Variants in CCDC12 observed in about 807,000 individuals in gnomAD.
CCDC12 encodes coiled-coil domain containing 12.
Under a neutral mutation model 25.7 loss-of-function variants are expected in CCDC12, and 28 were observed. That is an observed-to-expected ratio of 1.09 (90% CI 0.81 to 1.50). CCDC12 has a LOEUF of 1.50. CCDC12 is among the 40% of genes most tolerant of loss of function. CCDC12 has a pLI of 0.00. For synonymous variants in CCDC12, 75 were observed against 87.7 expected, an observed-to-expected ratio of 0.86 and a Z score of 0.81; for missense variants, 198 against 210.0, an observed-to-expected ratio of 0.94 and a Z score of 0.35.
intron 1 of CCDC12, chr3:46,976,430 C>A: frequency 7.0e-7 from 1 of 1,418,922 alleles, no homozygotes; most frequent in Non-Finnish European, 9.2e-7. Context: ...CGCGCATGCG[C>A]GACGACCGCA....
intron 2 of CCDC12, among the ~76,000 whole-genome samples, chr3:46,927,133 C>T (rs988612808): frequency 1.3e-5 from 2 of 152,148 alleles, no homozygotes; most frequent in Admixed American, 6.5e-5. Flanking sequence ...TGAACCACTG[C>T]GGGCGATGGG....
At chr3:46,974,435 C>T (rs1420271776) in intron 1 of CCDC12, among the ~76,000 whole-genome samples, 2 of 152,152 alleles carry the variant, frequency 1.3e-5, no homozygotes, top group African/African-American at 4.8e-5. Flanking sequence ...TCTGTGGATG[C>T]TATTTTGTCC....
rs769398551 is a variant in CCDC12, at chr3:46,922,053, T to C, written c.*4A>G. ...GATGGGCGAGTGGTGGGGCAGGGCA[T>C]GCCTCAGTCGGAGTCACAGGTCTTT... On this transcript the variant is annotated 3_prime_UTR_variant, in exon 7 of 7. Coordinates refer to ENST00000683445, the MANE Select transcript of CCDC12 (RefSeq NM_001277074.2). The C allele has an allele frequency of 6.2e-7, 1 of 1,613,768 alleles. No homozygotes were observed. Among genetic ancestry groups the C allele is most frequent in the South Asian group, 1.1e-5 (1 of 91,064 alleles).
At chr3:46,936,645 T>G (rs2033453077) in intron 2 of CCDC12, among the ~76,000 whole-genome samples, 1 of 152,202 alleles carries the variant, frequency 6.6e-6, no homozygotes, top group Non-Finnish European at 1.5e-5. Context: ...TCTGTCTATG[T>G]CCTTTCATTT....
intron 2 of CCDC12, among the ~76,000 whole-genome samples, chr3:46,928,352 C>T (rs2033062402): frequency 6.6e-6 from 1 of 152,154 alleles, no homozygotes; most frequent in Admixed American, 6.5e-5. Context: ...ACAAAGTGAG[C>T]CTGACATCAC....
Position 46,962,142 on chromosome 3 carries a change from T to C in CCDC12, c.96+14495A>G, listed in dbSNP as rs548221435. ...TTAAGAACTACTATTCGCCAAAGAA[T>C]TCAATTTTGGGCCAGGTGAGGCGGC... On this transcript the variant is annotated intron_variant, in intron 1 of 6. Transcript: ENST00000683445. 4.6e-5 allele frequency among the ~76,000 whole-genome samples: 7 copies of C among 152,178 alleles called. No homozygotes were observed. The South Asian group carries it at 1.5e-3, about 32-fold the overall frequency.
chr3:46,938,835 G>A (rs1362156580), intron 2 of CCDC12, among the ~76,000 whole-genome samples: 1 of 151,614 alleles, frequency 6.6e-6, no homozygotes, highest in Non-Finnish European at 1.5e-5. Context: ...CTGGGTGACA[G>A]AGCGAGACCC....
intron 2 of CCDC12, among the ~76,000 whole-genome samples, chr3:46,931,512 C>T (rs1476607044): frequency 1.3e-5 from 2 of 152,250 alleles, no homozygotes; most frequent in African/African-American, 2.4e-5. Flanking sequence ...GTCCACTTCA[C>T]TCACTCATGC....
Position 46,970,510 on chromosome 3 carries a change from T to C in CCDC12, c.96+6127A>G, listed in dbSNP as rs1247871959. ...AGTGCAGATTAAAGAACACTATCAC[T>C]GCACAAAGTTCTAGTGAGCAACACT... On this transcript the variant is annotated intron_variant, in intron 1 of 6. Coordinates refer to ENST00000683445, the MANE Select transcript of CCDC12 (RefSeq NM_001277074.2). Among the ~76,000 whole-genome samples, 7 of 152,334 alleles carry C rather than the reference T, an allele frequency of 4.6e-5. No homozygotes were observed. In the East Asian group the frequency reaches 1.4e-3, roughly 29 times the overall value.
At chr3:46,968,286 T>C (rs1416823245) in intron 1 of CCDC12, among the ~76,000 whole-genome samples, 1 of 152,096 alleles carries the variant, frequency 6.6e-6, no homozygotes, top group Non-Finnish European at 1.5e-5. Context: ...CACTCCATCT[T>C]CAAAAAATTA....
At chr3:46,946,844 A>G (rs56329054) in intron 1 of CCDC12, among the ~76,000 whole-genome samples, 1 of 152,192 alleles carries the variant, frequency 6.6e-6, no homozygotes, top group East Asian at 1.9e-4. Flanking sequence ...ACTTGAGTTC[A>G]GGGGATGAGG....
intron 1 of CCDC12, among the ~76,000 whole-genome samples, chr3:46,971,325 A>G (rs949725735): frequency 6.6e-6 from 1 of 152,236 alleles, no homozygotes; most frequent in Non-Finnish European, 1.5e-5. Flanking sequence ...TGCTTCAGGC[A>G]GTGCTGTGTC....
chr3:46,954,275 C>T (rs1450639071), intron 1 of CCDC12, among the ~76,000 whole-genome samples: 1 of 152,194 alleles, frequency 6.6e-6, no homozygotes, highest in East Asian at 1.9e-4. Context: ...CAAACTCTGG[C>T]TGGTAGATAG....
At chr3:46,976,969 A>C, upstream of CCDC12, 16 of 418,716 alleles carry the variant, frequency 3.8e-5, no homozygotes, top group East Asian at 1.3e-4. Flanking sequence ...AAAAAAAAAA[A>C]GAAAAAAAAA....
chr3:46,951,798 A>AAAAAAAAAAAAAAAAAAAG, intron 1 of CCDC12, among the ~76,000 whole-genome samples: 1 of 8,476 alleles, frequency 1.2e-4, no homozygotes, highest in African/African-American at 2.5e-4. Context: ...AAAAAAAAAA[A>AAAAAAAAAAAAAAAAAAAG]ATATATATAT....
intron 2 of CCDC12, among the ~76,000 whole-genome samples, chr3:46,936,193 T>C (rs1042979033): frequency 1.3e-5 from 2 of 152,246 alleles, no homozygotes; most frequent in Non-Finnish European, 2.9e-5. Context: ...ACTCAGCTTA[T>C]TTCCAAGGAC....
At chr3:46,929,569 C>T (rs1477270932) in intron 2 of CCDC12, among the ~76,000 whole-genome samples, 1 of 152,214 alleles carries the variant, frequency 6.6e-6, no homozygotes, top group African/African-American at 2.4e-5. Flanking sequence ...ATCTGGAAGC[C>T]ACCTTTCTGA....
At chr3:46,927,288 G>C (rs1343450701) in intron 2 of CCDC12, among the ~76,000 whole-genome samples, 3 of 152,176 alleles carry the variant, frequency 2.0e-5, no homozygotes, top group African/African-American at 7.2e-5. Context: ...AGACAAAGTG[G>C]GGCATGACTG....
chr3:46,921,968 G>A lies in CCDC12; in HGVS notation c.*89C>T, dbSNP rs1399242515. On this transcript the variant is annotated 3_prime_UTR_variant, in exon 7 of 7. Coordinates refer to ENST00000683445, the MANE Select transcript of CCDC12 (RefSeq NM_001277074.2). Reference sequence around the variant, plus strand: ...GAGTCTCTGCTCAGAAGCCAAACTGGAGGTGATGGCAAGCCTAGCCCCCAT... The same window carrying A: ...GAGTCTCTGCTCAGAAGCCAAACTGAAGGTGATGGCAAGCCTAGCCCCCAT... 5 of 1,399,148 alleles carry A rather than the reference G, an allele frequency of 3.6e-6. No homozygotes were observed. Among genetic ancestry groups the A allele is most frequent in the Non-Finnish European group, 5.0e-6 (5 of 999,332 alleles). 86.7% of individuals were successfully genotyped at this position (1,399,148 alleles called of 1,614,324 possible).
Sources: gnomAD v4.1 joint callset for allele counts (sites outside exome capture counted in the v4.1 genomes callset) on GRCh38, gnomAD v4.1.1 for gene constraint, MANE v1.5 for transcripts, NCBI Gene and HGNC (gene_info 2026-07-23, HGNC 2026-07-21) for gene names.